Variants in EXT1 observed in about 807,000 individuals in gnomAD.
The protein encoded by EXT1 is exostosin glycosyltransferase 1.
In EXT1, 20 loss-of-function variants were observed where a neutral mutation model predicts 82.5. The ratio of observed to expected loss-of-function variants is 0.24; its 90% CI spans 0.17 to 0.35. The LOEUF is 0.35. Ranked by LOEUF, EXT1 falls within the 10% of genes least tolerant of loss-of-function variation. The pLI, the probability that EXT1 is intolerant of heterozygous loss-of-function variation, is 1.00. For synonymous variants in EXT1, 348 were observed against 350.8 expected, an observed-to-expected ratio of 0.99 and a Z score of 0.09; for missense variants, 757 against 936.5, an observed-to-expected ratio of 0.81 and a Z score of 2.50.
At chr8:117,906,646 C>G (rs17430610) in intron 1 of EXT1, among the ~76,000 whole-genome samples, 46,299 of 152,056 alleles carry the variant, frequency 0.3, 7,385 homozygotes, top group East Asian at 0.37. Context: ...TACCCTGTAT[C>G]TTAAACTTCT....
intron 1 of EXT1, among the ~76,000 whole-genome samples, chr8:117,967,922 T>C (rs1814855704): frequency 6.6e-6 from 1 of 152,204 alleles, no homozygotes; most frequent in Non-Finnish European, 1.5e-5. Context: ...TAGTTAATAG[T>C]ATTGTATTCC....
intron 1 of EXT1, among the ~76,000 whole-genome samples, chr8:118,109,746 C>A (rs921477792): frequency 3.9e-5 from 6 of 152,168 alleles, no homozygotes; most frequent in Non-Finnish European, 7.3e-5. Flanking sequence ...GAAACACCCT[C>A]CAGTACCCAT....
chr8:117,903,387 C>G (rs1813485573), intron 1 of EXT1, among the ~76,000 whole-genome samples: 1 of 152,132 alleles, frequency 6.6e-6, no homozygotes, highest in Non-Finnish European at 1.5e-5. Context: ...CCAAAACACC[C>G]AGGTAAATGA....
chr8:117,941,874 C>T (rs1452316341), intron 1 of EXT1, among the ~76,000 whole-genome samples: 2 of 152,156 alleles, frequency 1.3e-5, no homozygotes, highest in Non-Finnish European at 2.9e-5. Context: ...CAGCCTCACC[C>T]CTCTTGCTGT....
At chr8:118,063,846 CTTTA>C (rs1161651930) in intron 1 of EXT1, among the ~76,000 whole-genome samples, 3 of 150,642 alleles carry the variant, frequency 2.0e-5, no homozygotes, top group Admixed American at 1.3e-4. Context: ...CAGAGCTACA[CTTTA>C]TTTATTTACT....
intron 1 of EXT1, among the ~76,000 whole-genome samples, chr8:118,098,775 A>G (rs914633384): frequency 7.0e-6 from 1 of 142,766 alleles, no homozygotes; most frequent in African/African-American, 2.5e-5. Flanking sequence ...AAAAAAAAAA[A>G]GAATAGCTAG....
chr8:118,005,958 G>A (rs886515142), intron 1 of EXT1, among the ~76,000 whole-genome samples: 1 of 152,210 alleles, frequency 6.6e-6, no homozygotes, highest in African/African-American at 2.4e-5. Flanking sequence ...CAATAGGACA[G>A]CTCTAATACT....
chr8:118,069,754 T>C (rs11562721), intron 1 of EXT1, among the ~76,000 whole-genome samples: 14,766 of 152,084 alleles, frequency 0.097, 925 homozygotes, highest in Middle Eastern at 0.18. Flanking sequence ...TTTAATCTAC[T>C]ACTGGACATC....
At chr8:117,886,071 G>A (rs1158438448) in intron 1 of EXT1, among the ~76,000 whole-genome samples, 1 of 151,846 alleles carries the variant, frequency 6.6e-6, no homozygotes, top group Non-Finnish European at 1.5e-5. Context: ...TGTATACGAT[G>A]GAACAAATAA....
intron 1 of EXT1, among the ~76,000 whole-genome samples, chr8:117,953,539 C>A (rs1814530657): frequency 1.3e-5 from 2 of 151,646 alleles, no homozygotes; most frequent in Non-Finnish European, 2.9e-5. Context: ...GACAGTGCCA[C>A]CGTGGAAGAC....
At chr8:117,983,125 A>T (rs1307123353) in intron 1 of EXT1, among the ~76,000 whole-genome samples, 2 of 152,184 alleles carry the variant, frequency 1.3e-5, no homozygotes, top group Non-Finnish European at 2.9e-5. Flanking sequence ...CCTTTTCTAC[A>T]TAAGTAACAC....
At chr8:118,051,946 C>T (rs927146525) in intron 1 of EXT1, among the ~76,000 whole-genome samples, 1 of 152,166 alleles carries the variant, frequency 6.6e-6, no homozygotes, top group Non-Finnish European at 1.5e-5. Context: ...TACCATACTG[C>T]ACACTTCCTA....
chr8:118,040,941 C>G (rs937765328), intron 1 of EXT1, among the ~76,000 whole-genome samples: 1 of 152,190 alleles, frequency 6.6e-6, no homozygotes, highest in Non-Finnish European at 1.5e-5. Context: ...CTCTCTAATC[C>G]GTCAGCTTCA....
At chr8:117,811,070 C>T (rs1221001756) in intron 8 of EXT1, among the ~76,000 whole-genome samples, 1 of 152,094 alleles carries the variant, frequency 6.6e-6, no homozygotes, top group Non-Finnish European at 1.5e-5. Context: ...TCACCAGGTG[C>T]CTCATTCTCT....
chr8:117,836,383 A>G (rs538144273), intron 2 of EXT1, among the ~76,000 whole-genome samples: 2 of 152,304 alleles, frequency 1.3e-5, no homozygotes, highest in South Asian at 4.1e-4. Context: ...GATGGCAGAG[A>G]TAAGAAGTTA....
intron 1 of EXT1, among the ~76,000 whole-genome samples, chr8:118,000,397 G>T (rs1815637141): frequency 6.6e-6 from 1 of 152,088 alleles, no homozygotes; most frequent in African/African-American, 2.4e-5. Context: ...AAGCCTTGCA[G>T]CCACCCCAAA....
At chr8:117,948,320 CAAAAAA>C (rs34394392) in intron 1 of EXT1, among the ~76,000 whole-genome samples, 5 of 51,918 alleles carry the variant, frequency 9.6e-5, no homozygotes, top group South Asian at 9.7e-4. Context: ...CTGCCCTTGC[CAAAAAA>C]AAAAAAAAAA....
At chr8:117,980,435 C>G (rs568025333) in intron 1 of EXT1, among the ~76,000 whole-genome samples, 2 of 152,302 alleles carry the variant, frequency 1.3e-5, no homozygotes, top group Admixed American at 6.5e-5. Flanking sequence ...GGAAGGAGAC[C>G]TCCAGTGATG....
chr8:118,106,765 A>G (rs1817808779), intron 1 of EXT1, among the ~76,000 whole-genome samples: 2 of 152,214 alleles, frequency 1.3e-5, no homozygotes, highest in Non-Finnish European at 1.5e-5. Context: ...TAAGTAGCTG[A>G]AAGAACATAA....
Sources: gnomAD v4.1 joint callset for allele counts (sites outside exome capture counted in the v4.1 genomes callset) on GRCh38, gnomAD v4.1.1 for gene constraint, MANE v1.5 for transcripts, NCBI Gene and HGNC (gene_info 2026-07-23, HGNC 2026-07-21) for gene names.